The following MVB12B variants were observed in gnomAD, a reference collection of about 807,000 sequenced individuals.
MVB12B encodes the protein multivesicular body subunit 12B.
A neutral mutation model predicts 41.6 loss-of-function variants in MVB12B; 16 were observed. The observed-to-expected ratio is 0.38, with a 90% CI of 0.26 to 0.58. The LOEUF is 0.58. Among genes scored for constraint, MVB12B ranks in the 20% least tolerant of loss-of-function variants. MVB12B has a pLI of 0.62. For synonymous variants in MVB12B, 133 were observed against 139.7 expected, an observed-to-expected ratio of 0.95 and a Z score of 0.34; for missense variants, 274 against 380.2, an observed-to-expected ratio of 0.72 and a Z score of 2.32.
intron 2 of MVB12B, among the ~76,000 whole-genome samples, chr9:126,362,791 G>C (rs1830061220): frequency 6.6e-6 from 1 of 152,202 alleles, no homozygotes; most frequent in African/African-American, 2.4e-5. Flanking sequence ...ACCAAGGTCA[G>C]TTTTACAATT....
chr9:126,428,772 A>G (rs778062200), intron 7 of MVB12B, among the ~76,000 whole-genome samples: 3 of 152,084 alleles, frequency 2.0e-5, no homozygotes, highest in African/African-American at 4.8e-5. Flanking sequence ...GTGTGGGCTG[A>G]GTGAGTGTGT....
At position 126,466,317 on chromosome 9, in the gene MVB12B, C is replaced by T. The variant is rs1833196974; in HGVS notation, c.758-15052C>T. 3.3e-5 allele frequency among the ~76,000 whole-genome samples: 5 copies of T among 152,094 alleles called. No individual in the cohort carries two copies. The South Asian group carries it at 8.3e-4, about 25-fold the overall frequency. On this transcript the variant is annotated intron_variant, in intron 7 of 9. Transcript: ENST00000361171. ...GCTTCTCTGAGCCTGTGTACTTGGCCGACCCAGCACTCCAAAGCCAGGGAA... is the reference window on the plus strand; with the variant it reads ...GCTTCTCTGAGCCTGTGTACTTGGCTGACCCAGCACTCCAAAGCCAGGGAA...
intron 2 of MVB12B, among the ~76,000 whole-genome samples, chr9:126,360,544 A>G (rs1468226979): frequency 3.9e-5 from 6 of 152,196 alleles, no homozygotes; most frequent in African/African-American, 1.4e-4. Context: ...AAGAATGTAT[A>G]TTCTTCTTCT....
chr9:126,420,633 A>G (rs147681253), intron 6 of MVB12B, among the ~76,000 whole-genome samples: 1,752 of 132,024 alleles, frequency 0.013, 15 homozygotes, highest in Admixed American at 0.028. Flanking sequence ...CTAGAGTGCA[A>G]TGTGCAATGG....
intron 2 of MVB12B, among the ~76,000 whole-genome samples, chr9:126,344,801 G>T (rs1384210372): frequency 2.6e-5 from 4 of 152,248 alleles, no homozygotes; most frequent in Non-Finnish European, 1.5e-5. Flanking sequence ...CCTCATTGCT[G>T]CATCATCCCA....
intron 9 of MVB12B, among the ~76,000 whole-genome samples, chr9:126,498,147 C>T (rs1029690475): frequency 2.0e-5 from 3 of 152,162 alleles, no homozygotes; most frequent in Non-Finnish European, 2.9e-5. Flanking sequence ...CAGATGAGGA[C>T]GTGGAGCCCC....
At chr9:126,467,822 C>T (rs536293961) in intron 7 of MVB12B, among the ~76,000 whole-genome samples, 2 of 152,292 alleles carry the variant, frequency 1.3e-5, no homozygotes, top group East Asian at 3.9e-4. Context: ...TTTTCCCTTC[C>T]TGCCCAGCAC....
At chr9:126,424,617 C>T (rs562804422) in intron 7 of MVB12B, among the ~76,000 whole-genome samples, 1 of 152,348 alleles carries the variant, frequency 6.6e-6, no homozygotes, top group South Asian at 2.1e-4. Context: ...CTTTCACATC[C>T]ACTCAGCAAT....
chr9:126,407,828 A>G (rs1446159865), intron 6 of MVB12B, among the ~76,000 whole-genome samples: 1 of 152,194 alleles, frequency 6.6e-6, no homozygotes, highest in Non-Finnish European at 1.5e-5. Flanking sequence ...AAAAAGAAAG[A>G]AAGATTTTTC....
In MVB12B at chr9:126,376,629, G is replaced by A; in HGVS notation, c.205-4435G>A. 1 of 1,289,268 alleles carries A rather than the reference G, an allele frequency of 7.8e-7. No individual in the cohort carries two copies. The highest frequency in any genetic ancestry group is 1.0e-6 in the Non-Finnish European group (1 of 988,776). The allele number at this position is 1,289,268 out of a possible 1,614,324, so 79.9% of individuals were successfully genotyped here. A position where few individuals can be genotyped will look rare whatever the true frequency, so the allele number is the denominator to read the frequency against. ...GAGGCGGCTGGAAGCAAGAAGGAGG[G>A]TAAGCGCGGGTGGCAGGGAGGGGCC... is the stretch of plus-strand genomic sequence containing the variant. On this transcript the variant is annotated intron_variant, in intron 2 of 9. Coordinates refer to ENST00000361171, the MANE Select transcript of MVB12B (RefSeq NM_033446.3). This position sits in a 1 kb window ranked among gnomAD's most constrained non-coding sequence, Gnocchi z 4.1.
At chr9:126,470,260 T>C (rs147440507) in intron 7 of MVB12B, among the ~76,000 whole-genome samples, 7 of 152,302 alleles carry the variant, frequency 4.6e-5, no homozygotes, top group Non-Finnish European at 8.8e-5. Context: ...GAGTAACTCA[T>C]TGGGTCCCCC....
intron 1 of MVB12B, among the ~76,000 whole-genome samples, chr9:126,327,521 C>G (rs1778747220): frequency 6.6e-6 from 1 of 152,180 alleles, no homozygotes; most frequent in South Asian, 2.1e-4. Context: ...TGGAAGGTGA[C>G]ATGCCCAGCC....
At chr9:126,359,329 T>C (rs958961579) in intron 2 of MVB12B, among the ~76,000 whole-genome samples, 2 of 152,178 alleles carry the variant, frequency 1.3e-5, no homozygotes, top group Admixed American at 1.3e-4. Context: ...GTTAAGAAAT[T>C]TTATGTGTAT....
chr9:126,433,429 A>C (rs59393129), intron 7 of MVB12B, among the ~76,000 whole-genome samples: 5,131 of 149,742 alleles, frequency 0.034, 128 homozygotes, highest in Non-Finnish European at 0.054. Context: ...AGCCCTTGGC[A>C]CTGGGATGTC....
intron 6 of MVB12B, among the ~76,000 whole-genome samples, chr9:126,403,948 ATCTTT>A (rs1831342100): frequency 7.5e-6 from 1 of 133,518 alleles, no homozygotes; most frequent in Non-Finnish European, 1.6e-5. Context: ...ACTCCTTTAA[ATCTTT>A]TTTTTTTTTT....
chr9:126,357,372 G>T (rs552434439), intron 2 of MVB12B, among the ~76,000 whole-genome samples: 1 of 152,336 alleles, frequency 6.6e-6, no homozygotes, highest in South Asian at 2.1e-4. Flanking sequence ...ATACCTAGGA[G>T]TGGAAGGGTT....
At chr9:126,394,223 C>T (rs10987265) in intron 5 of MVB12B, among the ~76,000 whole-genome samples, 12,195 of 152,270 alleles carry the variant, frequency 0.08, 693 homozygotes, top group Non-Finnish European at 0.11. Context: ...CAGAAGCACC[C>T]ATTTACATAC....
At chr9:126,481,225 T>A (rs1432389510) in intron 7 of MVB12B, 144 bp from the exon 8 acceptor site, 1 of 737,408 alleles carries the variant, frequency 1.4e-6, no homozygotes, top group Non-Finnish European at 2.3e-6. Flanking sequence ...TCCTCTTTCA[T>A]AGCTCCAGCA....
chr9:126,409,226 C>T (rs191257921), intron 6 of MVB12B, among the ~76,000 whole-genome samples: 1 of 151,758 alleles, frequency 6.6e-6, no homozygotes, highest in Admixed American at 6.6e-5. Flanking sequence ...TGCAGATGAT[C>T]CAAAATACAG....
Sources: gnomAD v4.1 joint callset for allele counts (sites outside exome capture counted in the v4.1 genomes callset) on GRCh38, gnomAD v4.1.1 for gene constraint, Gnocchi (gnomAD v3.1) non-coding constraint, MANE v1.5 for transcripts, NCBI Gene and HGNC (gene_info 2026-07-23, HGNC 2026-07-21) for gene names.